AVEN: variants seen among roughly 807,000 people sequenced by gnomAD.
The protein encoded by AVEN is cell death regulator Aven.
AVEN carries 41 observed loss-of-function variants against 38.1 expected under a neutral mutation model. That is an observed-to-expected ratio of 1.08 (90% CI 0.84 to 1.40). The LOEUF is 1.40. AVEN is among the 40% of genes most tolerant of loss of function. The pLI is 0.00. For synonymous variants in AVEN, 206 were observed against 171.8 expected (o/e 1.20, Z -1.56); for missense variants, 605 against 438.8 (o/e 1.38, Z -3.38).
At chr15:33,948,488 CAA>C (rs1567428889) in intron 2 of AVEN, among the ~76,000 whole-genome samples, 1 of 151,882 alleles carries the variant, frequency 6.6e-6, no homozygotes, top group African/African-American at 2.4e-5. Flanking sequence ...AATAAAGTAA[CAA>C]TACTTTTTAA....
At chr15:33,862,464 C>A (rs192334535), downstream of AVEN, among the ~76,000 whole-genome samples, 8 of 152,196 alleles carry the variant, frequency 5.3e-5, no homozygotes, top group Admixed American at 1.3e-4. Context: ...ACCTTGGCCT[C>A]CCAGAGTGCT....
intron 2 of AVEN, among the ~76,000 whole-genome samples, chr15:33,914,006 TG>T (rs757012759): frequency 6.6e-5 from 10 of 152,106 alleles, no homozygotes; most frequent in Non-Finnish European, 1.3e-4. Flanking sequence ...ATAACAACAT[TG>T]TAAAGTCAGG....
chr15:34,033,215 T>C (rs1043983625), intron 1 of AVEN, among the ~76,000 whole-genome samples: 4 of 152,154 alleles, frequency 2.6e-5, no homozygotes, highest in Admixed American at 1.3e-4. Flanking sequence ...TTATGTTTAA[T>C]AACTGCAAGG....
chr15:33,875,536 AG>A (rs2153036019), intron 3 of AVEN, among the ~76,000 whole-genome samples: 1 of 152,348 alleles, frequency 6.6e-6, no homozygotes, highest in African/African-American at 2.4e-5. Flanking sequence ...TGCAAGGTTA[AG>A]GGTTTTCTCA....
chr15:33,886,462 T>C (rs1891706077), intron 2 of AVEN, among the ~76,000 whole-genome samples: 1 of 152,060 alleles, frequency 6.6e-6, no homozygotes, highest in African/African-American at 2.4e-5. Context: ...GCCACCACAC[T>C]CGGCTAATTT....
chr15:33,860,247 C>T (rs770711153), intron 11 of AVEN, among the ~76,000 whole-genome samples: 13 of 152,144 alleles, frequency 8.5e-5, no homozygotes, highest in Non-Finnish European at 1.3e-4. Context: ...GAACCCTGAT[C>T]CACCTCAGTG....
At chr15:34,072,605 CAA>C (rs150270404) in intron 1 of AVEN, among the ~76,000 whole-genome samples, 1 of 146,098 alleles carries the variant, frequency 6.8e-6, no homozygotes. Context: ...GATTCTGTAT[CAA>C]AAAAAAAAAT....
chr15:33,983,813 T>C (rs1224510245), intron 2 of AVEN, among the ~76,000 whole-genome samples: 2 of 151,798 alleles, frequency 1.3e-5, no homozygotes, highest in Non-Finnish European at 2.9e-5. Context: ...GTGATCAGAG[T>C]TAACATCATC....
Position 33,883,996 on chromosome 15 carries a change from T to C in AVEN, c.446-8001A>G, listed in dbSNP as rs148281737. Among the ~76,000 whole-genome samples, 264 of 152,314 alleles carry C rather than the reference T, an allele frequency of 1.7e-3. 1 individual carries two copies. Among genetic ancestry groups the C allele is most frequent in the African/African-American group, 5.9e-3 (246 of 41,568 alleles). ...ATTTAATGGCTAGACACCTAGACTC[T>C]TGGCTCACAGCATTTGTTATTTTAT... is the stretch of plus-strand genomic sequence containing the variant. On this transcript the variant is annotated intron_variant, in intron 2 of 5. Coordinates refer to ENST00000306730, the MANE Select transcript of AVEN (RefSeq NM_020371.3).
intron 3 of AVEN, among the ~76,000 whole-genome samples, chr15:33,871,979 T>C (rs893802870): frequency 6.6e-6 from 1 of 152,166 alleles, no homozygotes; most frequent in Non-Finnish European, 1.5e-5. Context: ...AAGTATTCGG[T>C]GCATTATTTT....
At chr15:33,886,670 TG>T (rs1891715570) in intron 2 of AVEN, among the ~76,000 whole-genome samples, 1 of 152,222 alleles carries the variant, frequency 6.6e-6, no homozygotes, top group Non-Finnish European at 1.5e-5. Flanking sequence ...CCTTCCACCA[TG>T]ACTGTAAGTT....
intron 2 of AVEN, among the ~76,000 whole-genome samples, chr15:33,951,086 G>C (rs1894724016): frequency 6.7e-6 from 1 of 150,316 alleles, no homozygotes; most frequent in African/African-American, 2.4e-5. Flanking sequence ...GGCGAGTGGG[G>C]GGAGGAAGAA....
intron 2 of AVEN, among the ~76,000 whole-genome samples, chr15:33,881,910 A>G (rs1346492154): frequency 2.0e-5 from 3 of 152,232 alleles, no homozygotes; most frequent in Non-Finnish European, 1.5e-5. Flanking sequence ...GAACAGTGAC[A>G]GCCAACTGTA....
At chr15:33,905,139 A>G (rs1426120826) in intron 2 of AVEN, among the ~76,000 whole-genome samples, 1 of 56,508 alleles carries the variant, frequency 1.8e-5, no homozygotes, top group African/African-American at 5.8e-5. Flanking sequence ...CCAAAAAAAA[A>G]AAAAAAAAAA....
intron 1 of AVEN, among the ~76,000 whole-genome samples, chr15:34,070,970 C>A (rs1043602744): frequency 2.6e-5 from 4 of 152,152 alleles, no homozygotes; most frequent in African/African-American, 9.7e-5. Context: ...GGCTTGACTA[C>A]CACCCTGTGT....
intron 2 of AVEN, among the ~76,000 whole-genome samples, chr15:34,000,091 T>C (rs946186648): frequency 1.3e-5 from 2 of 152,198 alleles, no homozygotes; most frequent in Non-Finnish European, 2.9e-5. Flanking sequence ...ACTTTTCCCA[T>C]AGATATCCTC....
At chr15:33,891,161 G>A (rs1352838321) in intron 2 of AVEN, among the ~76,000 whole-genome samples, 2 of 151,384 alleles carry the variant, frequency 1.3e-5, no homozygotes, top group African/African-American at 2.4e-5. Context: ...CATTCCCCTT[G>A]TTGGTAATAA....
intron 11 of AVEN, chr15:33,859,445 A>C (rs2080101040): frequency 1.2e-6 from 1 of 866,690 alleles, no homozygotes; most frequent in Non-Finnish European, 1.8e-6. Flanking sequence ...GAATACTGGC[A>C]CCTCTGAAGA....
intron 1 of AVEN, among the ~76,000 whole-genome samples, chr15:34,073,989 CTT>C (rs5811818): frequency 0.036 from 1,141 of 31,366 alleles, 85 homozygotes; most frequent in African/African-American, 0.073. Flanking sequence ...TCTTCTTCTT[CTT>C]TTTTTTTTTT....
Sources: gnomAD v4.1 joint callset for allele counts (sites outside exome capture counted in the v4.1 genomes callset) on GRCh38, gnomAD v4.1.1 for gene constraint, MANE v1.5 for transcripts, NCBI Gene and HGNC (gene_info 2026-07-23, HGNC 2026-07-21) for gene names.